FOXK1: variants seen among roughly 807,000 people sequenced by gnomAD.
FOXK1 encodes forkhead box protein K1.
A neutral mutation model predicts 51.9 loss-of-function variants in FOXK1; 19 were observed. The observed-to-expected ratio is 0.37, with a 90% CI of 0.26 to 0.54. The LOEUF is 0.54. FOXK1 is among the 20% of genes least tolerant of loss of function. The pLI, the probability that FOXK1 is intolerant of heterozygous loss-of-function variation, is 0.87. For missense variants in FOXK1, 870 were observed against 1,032.7 expected (o/e 0.84, Z 2.16); for synonymous variants, 537 against 482.6 (o/e 1.11, Z -1.48).
At position 4,748,007 on chromosome 7, in the gene FOXK1, G is replaced by A. The variant is rs565307055; in HGVS notation, c.747-6452G>A. Among the ~76,000 whole-genome samples, 1 of 152,132 alleles carries A rather than the reference G, an allele frequency of 6.6e-6. No individual in the cohort carries two copies. Among genetic ancestry groups the A allele is most frequent in the Non-Finnish European group, 1.5e-5 (1 of 68,030 alleles). ...ATCCACTAGTTAATTTTTAAAAATA[G>A]CTTCCCAGCATTTTACAATGTCGGA... On this transcript the variant is annotated intron_variant, in intron 2 of 8. Transcript: ENST00000328914. This position sits in a 1 kb window ranked among gnomAD's most constrained non-coding sequence, Gnocchi z 4.9.
chr7:4,757,245 T>A, intron 5 of FOXK1, 58 bp downstream of exon 5: 1 of 1,467,444 alleles, frequency 6.8e-7, no homozygotes, highest in Non-Finnish European at 9.2e-7. Context: ...TGCCCTGGAG[T>A]TTAGAGATAC....
At position 4,769,804 on chromosome 7, in the gene FOXK1, G is replaced by C. The variant is rs1045714358; in HGVS notation, c.*7340G>C. On this transcript the variant is annotated 3_prime_UTR_variant, in exon 9 of 9. Coordinates refer to ENST00000328914, the MANE Select transcript of FOXK1 (RefSeq NM_001037165.2). This position sits in a 1 kb window ranked among gnomAD's most constrained non-coding sequence, Gnocchi z 4.1. ...TTGTTGTTTTGTTTTGTTTTAGCGT[G>C]ATACTACAATGGAAAGACTCCTAGT... 6 of 152,180 alleles carry C rather than the reference G, an allele frequency of 3.9e-5. No homozygotes were observed. Among genetic ancestry groups the C allele is most frequent in the African/African-American group, 1.4e-4 (6 of 41,430 alleles). The allele number at this position is 152,180 out of a possible 1,614,324, so 9.4% of individuals were successfully genotyped here. A position where few individuals can be genotyped will look rare whatever the true frequency, so the allele number is the denominator to read the frequency against.
chr7:4,692,911 T>G (rs1249717273), intron 1 of FOXK1, among the ~76,000 whole-genome samples: 1 of 152,072 alleles, frequency 6.6e-6, no homozygotes, highest in Non-Finnish European at 1.5e-5. Flanking sequence ...ATTTATTTAT[T>G]TATTTTTGGT....
intron 1 of FOXK1, among the ~76,000 whole-genome samples, chr7:4,697,501 C>T (rs1779968354): frequency 6.6e-6 from 1 of 152,128 alleles, no homozygotes; most frequent in Non-Finnish European, 1.5e-5. Flanking sequence ...CCATGTGGAC[C>T]CCAGAGCCTG....
intron 1 of FOXK1, among the ~76,000 whole-genome samples, chr7:4,685,473 C>A (rs1201020572): frequency 6.6e-6 from 1 of 151,532 alleles, no homozygotes; most frequent in Non-Finnish European, 1.5e-5. Context: ...CTTAGCTTCC[C>A]AAAGTGCTGG....
chr7:4,686,923 A>ATT (rs1424528142), intron 1 of FOXK1, among the ~76,000 whole-genome samples: 1 of 145,968 alleles, frequency 6.9e-6, no homozygotes, highest in African/African-American at 2.6e-5. Context: ...ATGCCACTTA[A>ATT]TTTTTTTTCT....
rs1562388289 is a variant in FOXK1 at position 4,749,418 on chromosome 7, G to T, written c.747-5041G>T. The stretch of plus-strand genomic sequence containing the variant: ...CCCTCTTAGAGCGGCTGGTATTGGA[G>T]CAGGGGCTGGGGCAGGGACCCCAAG... On this transcript the variant is annotated intron_variant, in intron 2 of 8. Transcript: ENST00000328914. The surrounding 1 kb of genome is among the most constrained non-coding windows in gnomAD (Gnocchi z 6.0). 6.6e-6 allele frequency among the ~76,000 whole-genome samples: 1 copy of T among 152,220 alleles called. No homozygotes were observed. Among genetic ancestry groups the T allele is most frequent in the Non-Finnish European group, 1.5e-5 (1 of 68,040 alleles).
chr7:4,687,436 G>A (rs1779835457), intron 1 of FOXK1, among the ~76,000 whole-genome samples: 1 of 151,776 alleles, frequency 6.6e-6, no homozygotes, highest in African/African-American at 2.4e-5. Flanking sequence ...GGGATTACAG[G>A]CGCACGTCAC....
intron 1 of FOXK1, among the ~76,000 whole-genome samples, chr7:4,697,688 C>CT (rs1779970416): frequency 6.8e-6 from 1 of 146,928 alleles, no homozygotes; most frequent in Admixed American, 6.8e-5. Flanking sequence ...TGAATAGGAT[C>CT]TTTTTTTCTT....
chr7:4,699,108 C>G (rs565607895), intron 1 of FOXK1, among the ~76,000 whole-genome samples: 12 of 152,304 alleles, frequency 7.9e-5, no homozygotes, highest in Admixed American at 1.3e-4. Flanking sequence ...TCATCTGAAT[C>G]TGGGACAGTT....
At chr7:4,687,717 T>G (rs1779839359) in intron 1 of FOXK1, among the ~76,000 whole-genome samples, 1 of 152,354 alleles carries the variant, frequency 6.6e-6, no homozygotes, top group Admixed American at 6.5e-5. Flanking sequence ...TCCCTCTTTC[T>G]CTAAAGCCTT....
rs1780743528 is a variant in FOXK1 at position 4,749,142 on chromosome 7, T to G, written c.747-5317T>G. Among the ~76,000 whole-genome samples the G allele has an allele frequency of 6.6e-6, 1 of 152,240 alleles. No homozygotes were observed. The highest frequency in any genetic ancestry group is 2.1e-4 in the South Asian group (1 of 4,834). On this transcript the variant is annotated intron_variant, in intron 2 of 8. Coordinates refer to ENST00000328914, the MANE Select transcript of FOXK1 (RefSeq NM_001037165.2). The surrounding 1 kb of genome is among the most constrained non-coding windows in gnomAD (Gnocchi z 6.0). Reference sequence around the variant, plus strand: ...TTTGTATTTCTCTTCTTTTGAATTCTTATTTTTTAATTTGAAGAGCGTGTT... The same window carrying G: ...TTTGTATTTCTCTTCTTTTGAATTCGTATTTTTTAATTTGAAGAGCGTGTT...
chr7:4,754,734 C>T (rs1780821126), intron 3 of FOXK1, 119 bp downstream of exon 3: 1 of 1,283,350 alleles, frequency 7.8e-7, no homozygotes, highest in African/African-American at 1.5e-5. Flanking sequence ...TGGTCTCAGC[C>T]CACAGGGAAT....
intron 1 of FOXK1, among the ~76,000 whole-genome samples, chr7:4,702,809 G>C (rs561634362): frequency 1.3e-5 from 2 of 152,202 alleles, no homozygotes; most frequent in African/African-American, 4.8e-5. Context: ...CCCCATCCTG[G>C]ACGGGGCCTT....
chr7:4,714,868 G>T (rs1296936490), intron 1 of FOXK1, among the ~76,000 whole-genome samples: 3 of 152,160 alleles, frequency 2.0e-5, no homozygotes, highest in Non-Finnish European at 4.4e-5. Flanking sequence ...GTCCACCTGA[G>T]TCCGATTTCT....
rs1223976118 is a variant in FOXK1 at position 4,747,966 on chromosome 7, C to G, written c.747-6493C>G. Among the ~76,000 whole-genome samples, 2 of 152,180 alleles carry G rather than the reference C, an allele frequency of 1.3e-5. No individual in the cohort carries two copies. The highest frequency in any genetic ancestry group is 4.1e-4 in the South Asian group (2 of 4,838). The stretch of plus-strand genomic sequence containing the variant: ...ACTCAAGCGATCCTCCCACCTCAGC[C>G]GTGACTACAGGAGCAATCCACTAGT... On this transcript the variant is annotated intron_variant, in intron 2 of 8. Transcript: ENST00000328914. The surrounding 1 kb of genome is among the most constrained non-coding windows in gnomAD (Gnocchi z 9.2).
chr7:4,688,599 G>C (rs1320501794), intron 1 of FOXK1, among the ~76,000 whole-genome samples: 2 of 151,976 alleles, frequency 1.3e-5, no homozygotes, highest in Non-Finnish European at 2.9e-5. Context: ...TGTTGGCCAG[G>C]CTGGTCTCGA....
intron 1 of FOXK1, among the ~76,000 whole-genome samples, chr7:4,691,866 C>G (rs1386048432): frequency 6.6e-6 from 1 of 152,152 alleles, no homozygotes; most frequent in South Asian, 2.1e-4. Flanking sequence ...CTAACCTGTT[C>G]CCCTAAGTGT....
rs781612576 is a variant in FOXK1, at chr7:4,747,466, G to A, written c.746+6443G>A. Among the ~76,000 whole-genome samples the A allele has an allele frequency of 3.3e-5, 5 of 152,194 alleles. No individual in the cohort carries two copies. The highest frequency in any genetic ancestry group is 7.3e-5 in the Non-Finnish European group (5 of 68,040). ...AGGGCAAAGTGCACTTCAGAAACAA[G>A]TTAATTTTATTTTCTAAATTATTAT... On this transcript the variant is annotated intron_variant, in intron 2 of 8. Coordinates refer to ENST00000328914, the MANE Select transcript of FOXK1 (RefSeq NM_001037165.2). The surrounding 1 kb of genome is among the most constrained non-coding windows in gnomAD (Gnocchi z 9.2).
Sources: gnomAD v4.1 joint callset for allele counts (sites outside exome capture counted in the v4.1 genomes callset) on GRCh38, gnomAD v4.1.1 for gene constraint, Gnocchi (gnomAD v3.1) non-coding constraint, MANE v1.5 for transcripts, NCBI Gene and HGNC (gene_info 2026-07-23, HGNC 2026-07-21) for gene names.